COPG2: variants seen among roughly 807,000 people sequenced by gnomAD.
COPG2 encodes coatomer subunit gamma-2.
Under a neutral mutation model 46.3 loss-of-function variants are expected in COPG2, and 37 were observed. The observed-to-expected ratio is 0.80, with a 90% CI of 0.61 to 1.05. The LOEUF is 1.05. COPG2 is among the 50% of genes least tolerant of loss of function. The pLI is 0.00. For missense variants in COPG2, 427 were observed against 387.8 expected, an observed-to-expected ratio of 1.10 and a Z score of -0.85; for synonymous variants, 159 against 129.7, an observed-to-expected ratio of 1.23 and a Z score of -1.53.
chr7:130,598,659 A>G (rs1335531503), intron 9 of COPG2, among the ~76,000 whole-genome samples: 2 of 152,202 alleles, frequency 1.3e-5, no homozygotes, highest in Non-Finnish European at 2.9e-5. Flanking sequence ...TGAGGCCCTA[A>G]CTGGGCCAAA....
chr7:130,659,354 C>CAAAAAAAAAAACA lies in COPG2; in HGVS notation c.243+3612_243+3613insTGTTTTTTTTTTT, dbSNP rs71178601. ...TGGGCGACAGAGCAAGACTCCGTCT[C>CAAAAAAAAAAACA]AAAAAAAAAAAAAACGAACAAACAA... On this transcript the variant is annotated intron_variant, in intron 4 of 23. Transcript: ENST00000425248. Among the ~76,000 whole-genome samples the CAAAAAAAAAAACA allele has an allele frequency of 1.8e-3, 121 of 65,468 alleles. 8 individuals carry two copies. Among genetic ancestry groups the CAAAAAAAAAAACA allele is most frequent in the African/African-American group, 7.0e-3 (116 of 16,462 alleles). The allele number at this position is 65,468 out of a possible 152,430, so 42.9% of individuals were successfully genotyped here.
intron 5 of COPG2, among the ~76,000 whole-genome samples, chr7:130,632,932 C>T (rs543510628): frequency 3.3e-5 from 5 of 151,898 alleles, no homozygotes; most frequent in Admixed American, 1.3e-4. Context: ...GTGTGATGTT[C>T]CTCTCCCTGT....
At chr7:130,606,340 A>AGAAG (rs1301437813) in intron 9 of COPG2, among the ~76,000 whole-genome samples, 11 of 152,068 alleles carry the variant, frequency 7.2e-5, no homozygotes, top group South Asian at 2.1e-4. Flanking sequence ...GAAGGAAGGA[A>AGAAG]GAAGGAAGGA....
chr7:130,605,346 A>G (rs115681645), intron 9 of COPG2: 8,640 of 489,628 alleles, frequency 0.018, 124 homozygotes, highest in Non-Finnish European at 0.025. Flanking sequence ...GAACTGATGA[A>G]TATGTTACGT....
At chr7:130,517,150 G>A (rs1314141512) in intron 20 of COPG2, among the ~76,000 whole-genome samples, 1 of 152,110 alleles carries the variant, frequency 6.6e-6, no homozygotes, top group Non-Finnish European at 1.5e-5. Context: ...TGATGTGAGG[G>A]GATGACTGGA....
chr7:130,576,896 T>C (rs1794008143), intron 9 of COPG2, among the ~76,000 whole-genome samples: 1 of 150,992 alleles, frequency 6.6e-6, no homozygotes, highest in Non-Finnish European at 1.5e-5. Flanking sequence ...AGAGAGAAAA[T>C]CCAAATAACT....
chr7:130,536,828 G>A (rs909417873), intron 20 of COPG2, among the ~76,000 whole-genome samples: 1 of 152,226 alleles, frequency 6.6e-6, no homozygotes, highest in Non-Finnish European at 1.5e-5. Flanking sequence ...AGGTGGAGGA[G>A]TGAGGCCAAG....
chr7:130,659,110 C>T (rs1324103157), intron 4 of COPG2, among the ~76,000 whole-genome samples: 1 of 152,022 alleles, frequency 6.6e-6, no homozygotes, highest in Non-Finnish European at 1.5e-5. Flanking sequence ...AATCCCAGCA[C>T]TTTGGGAGGC....
intron 1 of COPG2, 65 bp downstream of exon 1, chr7:130,668,567 G>C: frequency 7.0e-7 from 1 of 1,436,038 alleles, no homozygotes; most frequent in East Asian, 3.1e-5. Context: ...CTGAAAGCAG[G>C]TGGCGGCGGG....
intron 20 of COPG2, chr7:130,509,000 T>C (rs782339998): frequency 4.3e-6 from 2 of 465,158 alleles, no homozygotes; most frequent in Admixed American, 2.6e-5. Context: ...AAATAAATAT[T>C]TTGAGAACCA....
chr7:130,540,128 T>C (rs1757030148), intron 20 of COPG2, among the ~76,000 whole-genome samples: 1 of 150,652 alleles, frequency 6.6e-6, no homozygotes, highest in Admixed American at 6.6e-5. Flanking sequence ...GGGGTGTGAG[T>C]GGGAGAGGAG....
Position 130,655,084 on chromosome 7 carries a change from G to C in COPG2, c.244-2136C>G, listed in dbSNP as rs868984228. Among the ~76,000 whole-genome samples, 7 of 152,058 alleles carry C rather than the reference G, an allele frequency of 4.6e-5. No homozygotes were observed. In the South Asian group the frequency reaches 1.2e-3, roughly 27 times the overall value. On this transcript the variant is annotated intron_variant, in intron 4 of 23. Transcript: ENST00000425248. ...CATCACCTTTACCATTTCTGGGTTT[G>C]TGTCTGCTGATCCATTTTTCTCCTG...
chr7:130,540,753 A>G (rs928111552), intron 20 of COPG2, among the ~76,000 whole-genome samples: 7 of 152,130 alleles, frequency 4.6e-5, no homozygotes, highest in Admixed American at 3.9e-4. Flanking sequence ...TGAGGGAGTA[A>G]TGTCAGGGAG....
chr7:130,570,901 C>T (rs183380684), intron 9 of COPG2, among the ~76,000 whole-genome samples: 2 of 152,222 alleles, frequency 1.3e-5, no homozygotes, highest in East Asian at 3.9e-4. Context: ...AACCCAACTA[C>T]TTATAGCCAA....
chr7:130,658,662 T>C (rs1434309685), intron 4 of COPG2, among the ~76,000 whole-genome samples: 4 of 152,002 alleles, frequency 2.6e-5, no homozygotes, highest in African/African-American at 7.2e-5. Context: ...AAGAAACTTA[T>C]AACTCAGTAA....
intron 4 of COPG2, among the ~76,000 whole-genome samples, chr7:130,661,927 T>C (rs1795988454): frequency 6.6e-6 from 1 of 152,186 alleles, no homozygotes; most frequent in Non-Finnish European, 1.5e-5. Flanking sequence ...TTCTACAAAG[T>C]ATATCCTGCA....
chr7:130,621,324 A>C (rs1367930592), intron 5 of COPG2, among the ~76,000 whole-genome samples: 1 of 152,250 alleles, frequency 6.6e-6, no homozygotes, highest in Admixed American at 6.5e-5. Context: ...CAGATTTTTT[A>C]AGTTACTAAG....
At chr7:130,521,106 C>T (rs879122894) in intron 20 of COPG2, among the ~76,000 whole-genome samples, 62,498 of 151,722 alleles carry the variant, frequency 0.41, 15,786 homozygotes, top group East Asian at 0.59. Context: ...TGTTTGCCAC[C>T]AAAAATTATT....
intron 20 of COPG2, among the ~76,000 whole-genome samples, chr7:130,522,927 G>A (rs1012071227): frequency 1.3e-5 from 2 of 151,394 alleles, no homozygotes; most frequent in African/African-American, 4.9e-5. Flanking sequence ...AGACCAGCCT[G>A]GCCAACATGG....
Sources: allele counts gnomAD v4.1 joint callset (sites outside exome capture counted in the v4.1 genomes callset), GRCh38; gene constraint gnomAD v4.1.1; transcripts MANE v1.5; gene names NCBI Gene and HGNC (gene_info 2026-07-23, HGNC 2026-07-21).